Variants in PYGB observed in about 807,000 individuals in gnomAD.
PYGB encodes the protein glycogen phosphorylase B.
A neutral mutation model predicts 94.3 loss-of-function variants in PYGB; 82 were observed. That is an observed-to-expected ratio of 0.87 (90% confidence interval 0.73 to 1.04). PYGB has a LOEUF of 1.04. Among genes scored for constraint, PYGB ranks in the 50% least tolerant of loss-of-function variants. The pLI, the probability that PYGB is intolerant of heterozygous loss-of-function variation, is 0.00. For synonymous variants in PYGB, 488 were observed against 479.1 expected (o/e 1.02, Z -0.24); for missense variants, 1,132 against 1,158.2 (o/e 0.98, Z 0.33).
At chr20:25,272,368 C>T (rs965254490) in intron 4 of PYGB, among the ~76,000 whole-genome samples, 5 of 152,154 alleles carry the variant, frequency 3.3e-5, no homozygotes, top group African/African-American at 7.2e-5. Flanking sequence ...CTCCAGGGCT[C>T]GTCCATGGCG....
Position 25,280,959 on chromosome 20 carries a change from C to T in PYGB, c.1250C>T (p.Ala417Val), listed in dbSNP as rs200958021. 2.8e-5 allele frequency: 45 copies of T among 1,613,822 alleles called. No homozygotes were observed. Among genetic ancestry groups the T allele is most frequent in the South Asian group, 1.8e-4 (16 of 91,068 alleles). ...GTGTTTTGGCACCAGCACGTGGCCG[C>T]GCTGTTTCCCGGCGATGTGGACCGC... The part of the protein sequence containing the change: ...INQRHLDHVA[A>V]LFPGDVDRLR... Residue 417 changes from alanine to valine, a missense_variant, in exon 11 of 20, where the codon GCG (alanine) becomes GTG (valine). Coordinates refer to ENST00000216962, the MANE Select transcript of PYGB (RefSeq NM_002862.4).
chr20:25,285,901 C>T (rs1441829347), intron 14 of PYGB, among the ~76,000 whole-genome samples: 2 of 152,212 alleles, frequency 1.3e-5, no homozygotes, highest in Non-Finnish European at 2.9e-5. Context: ...TCATGACTGG[C>T]TCATGGGAAC....
At chr20:25,295,859 C>T (rs577645977) in intron 19 of PYGB, among the ~76,000 whole-genome samples, 189 bp downstream of exon 19, 45 of 152,302 alleles carry the variant, frequency 3.0e-4, no homozygotes, top group African/African-American at 1.1e-3. Context: ...TCACTCCCTC[C>T]GTTGAAAAAA....
chr20:25,281,252 G>T, intron 11 of PYGB, 140 bp downstream of exon 11: 1 of 1,196,104 alleles, frequency 8.4e-7, no homozygotes, highest in Non-Finnish European at 1.2e-6. Flanking sequence ...AGGAATGACA[G>T]AGCTGCCCAG....
chr20:25,283,378 G>A, intron 13 of PYGB, 101 bp downstream of exon 13: 2 of 1,037,980 alleles, frequency 1.9e-6, no homozygotes, highest in Non-Finnish European at 1.4e-6. Flanking sequence ...AGGTCCTGGG[G>A]TACCCACTGG....
At chr20:25,250,053 G>A (rs759553804) in intron 1 of PYGB, among the ~76,000 whole-genome samples, 1 of 152,104 alleles carries the variant, frequency 6.6e-6, no homozygotes, top group South Asian at 2.1e-4. Flanking sequence ...GTTTCACCAT[G>A]TTGGCCAGGC....
rs951714150 is a variant in PYGB at position 25,271,258 on chromosome 20, C to T, written c.425-125C>T. On this transcript the variant is annotated intron_variant, in intron 3 of 19. Coordinates refer to ENST00000216962, the MANE Select transcript of PYGB (RefSeq NM_002862.4). Reference sequence around the variant, plus strand: ...AGAGGCTGAGGGCTCCAGTTTTCCTCTCAGTGAAGCCTGAAGTCAGTGTGA... The same window carrying T: ...AGAGGCTGAGGGCTCCAGTTTTCCTTTCAGTGAAGCCTGAAGTCAGTGTGA... 6 of 843,410 alleles carry T rather than the reference C, an allele frequency of 7.1e-6. No individual in the cohort carries two copies. In the Admixed American group the frequency reaches 1.3e-4, roughly 18 times the overall value. The allele number at this position is 843,410 out of a possible 1,614,324, so 52.2% of individuals were successfully genotyped here. A position where few individuals can be genotyped will look rare whatever the true frequency, so the allele number is the denominator to read the frequency against.
intron 5 of PYGB, among the ~76,000 whole-genome samples, chr20:25,275,651 G>A (rs920412782): frequency 1.4e-4 from 22 of 152,264 alleles, no homozygotes; most frequent in Admixed American, 3.9e-4. Flanking sequence ...GTAGGGGACC[G>A]GCGCTGTAGA....
intron 2 of PYGB, among the ~76,000 whole-genome samples, chr20:25,267,003 A>G (rs1418680207): frequency 6.6e-6 from 1 of 152,238 alleles, no homozygotes; most frequent in African/African-American, 2.4e-5. Flanking sequence ...TCTCAGAGAA[A>G]TGAAAACATA....
At chr20:25,269,232 C>T in intron 3 of PYGB, 25 bp downstream of exon 3, 1 of 1,526,724 alleles carries the variant, frequency 6.5e-7, no homozygotes, top group Non-Finnish European at 9.0e-7. Context: ...CCAGGAGGAG[C>T]TCTCTCGGAC....
Position 25,248,121 on chromosome 20 carries a change from G to A in PYGB, c.-58G>A, listed in dbSNP as rs200368315. 5.5e-5 allele frequency: 84 copies of A among 1,514,430 alleles called. No homozygotes were observed. In the African/African-American group the frequency reaches 1.2e-3, roughly 21 times the overall value. 93.8% of individuals were successfully genotyped at this position (1,514,430 alleles called of 1,614,324 possible). On this transcript the variant is annotated 5_prime_UTR_variant, in exon 1 of 20. Transcript: ENST00000216962. ...GCCAGAGCAGCTGCACCATCCCGGCGTTCGCGTGTGCCGCCGCTTTCCTCC... is the reference window on the plus strand; with the variant it reads ...GCCAGAGCAGCTGCACCATCCCGGCATTCGCGTGTGCCGCCGCTTTCCTCC...
In PYGB at chr20:25,288,414, G is replaced by C; in HGVS notation, c.1769-11G>C. ...GGTGCCTTGTGTGAGTCTCTTCCGT[G>C]TGTCCTGCAGGAATCAAGAGAGACC... is the stretch of plus-strand genomic sequence containing the variant. On this transcript the variant is annotated splice_polypyrimidine_tract_variant and intron_variant, in intron 14 of 19. Transcript: ENST00000216962. The C allele has an allele frequency of 6.2e-7, 1 of 1,614,194 alleles. No homozygotes were observed. The highest frequency in any genetic ancestry group is 1.1e-5 in the South Asian group (1 of 91,082).
chr20:25,265,755 C>T (rs1040403267), intron 2 of PYGB, among the ~76,000 whole-genome samples: 19 of 151,966 alleles, frequency 1.3e-4, no homozygotes, highest in African/African-American at 3.9e-4. Flanking sequence ...CCACCACGCC[C>T]GGCTAATTTT....
chr20:25,278,292 C>T (rs928036024), intron 7 of PYGB, 27 bp from the exon 8 acceptor site: 1 of 1,036,778 alleles, frequency 9.6e-7, no homozygotes. Flanking sequence ...CCAGCCTGCA[C>T]CCTCCAGCTT....
At chr20:25,277,983 C>A (rs1335894092) in intron 7 of PYGB, among the ~76,000 whole-genome samples, 1 of 152,252 alleles carries the variant, frequency 6.6e-6, no homozygotes, top group Non-Finnish European at 1.5e-5. Flanking sequence ...GAAGGCTCAT[C>A]AAAGAGTGCA....
chr20:25,280,730 T>G (rs917421070), intron 10 of PYGB, among the ~76,000 whole-genome samples: 7 of 152,146 alleles, frequency 4.6e-5, no homozygotes, highest in African/African-American at 7.2e-5. Context: ...AGCGAGAGCC[T>G]CCTCCTCAAG....
intron 19 of PYGB, among the ~76,000 whole-genome samples, chr20:25,295,951 C>T (rs2088536160): frequency 6.6e-6 from 1 of 152,212 alleles, no homozygotes. Flanking sequence ...CTTCTCTTCC[C>T]TCAGTCAGGG....
chr20:25,294,435 C>T, intron 18 of PYGB, 143 bp downstream of exon 18: 1 of 1,101,578 alleles, frequency 9.1e-7, no homozygotes, highest in Non-Finnish European at 1.3e-6. Context: ...TGAGACCTTA[C>T]TGGGCAGAGC....
At chr20:25,250,634 C>G (rs2092885073) in intron 1 of PYGB, among the ~76,000 whole-genome samples, 1 of 152,200 alleles carries the variant, frequency 6.6e-6, no homozygotes, top group Non-Finnish European at 1.5e-5. Context: ...GACCAGCAAC[C>G]AGTCCCACCA....
Sources: gnomAD v4.1 joint callset for allele counts (sites outside exome capture counted in the v4.1 genomes callset) on GRCh38, gnomAD v4.1.1 for gene constraint, MANE v1.5 for transcripts, NCBI Gene and HGNC (gene_info 2026-07-23, HGNC 2026-07-21) for gene names.